The following LSAMP variants were observed in gnomAD, a reference collection of about 807,000 sequenced individuals.
The protein encoded by LSAMP is limbic system associated membrane protein, also known as limbic system-associated membrane protein.
In LSAMP, 7 loss-of-function variants were observed where a neutral mutation model predicts 38.6. That is an observed-to-expected ratio of 0.18 (90% CI 0.10 to 0.34). LSAMP has a LOEUF of 0.34. LSAMP is among the 10% of genes least tolerant of loss of function. The pLI is 1.00. For synonymous variants in LSAMP, 154 were observed against 166.8 expected, an observed-to-expected ratio of 0.92 and a Z score of 0.59; for missense variants, 313 against 420.0, an observed-to-expected ratio of 0.75 and a Z score of 2.23.
chr3:116,273,002 CT>C (rs1385908631), intron 1 of LSAMP, among the ~76,000 whole-genome samples: 1 of 152,048 alleles, frequency 6.6e-6, no homozygotes, highest in African/African-American at 2.4e-5. Flanking sequence ...CTGAGTCCTT[CT>C]GGTGTTATTA....
At chr3:116,167,467 G>A (rs978988839) in intron 1 of LSAMP, among the ~76,000 whole-genome samples, 3 of 152,174 alleles carry the variant, frequency 2.0e-5, no homozygotes, top group African/African-American at 7.2e-5. Flanking sequence ...GAATTGAAAT[G>A]AGAAAGGATA....
At chr3:116,039,106 A>G (rs1458226938) in intron 2 of LSAMP, among the ~76,000 whole-genome samples, 1 of 152,222 alleles carries the variant, frequency 6.6e-6, no homozygotes, top group Non-Finnish European at 1.5e-5. Context: ...AGAAGTCTGT[A>G]ACTGGAAGCA....
chr3:116,140,873 G>A (rs1017942760), intron 1 of LSAMP, among the ~76,000 whole-genome samples: 2 of 151,928 alleles, frequency 1.3e-5, no homozygotes, highest in South Asian at 2.1e-4. Flanking sequence ...GGAAATTCAG[G>A]TTTCTGGAAA....
At chr3:116,301,633 T>C (rs1158219499) in intron 1 of LSAMP, among the ~76,000 whole-genome samples, 1 of 152,118 alleles carries the variant, frequency 6.6e-6, no homozygotes, top group Non-Finnish European at 1.5e-5. Context: ...TTTCATTGGA[T>C]TGAGTCACTG....
rs146982694 is a variant in LSAMP at position 116,112,088 on chromosome 3, G to A, written c.156-25532C>T. ...TTGATGAGGCCTGCTTTCTTTCAAG[G>A]GTAAAGCTTCTTAGCTGAATAACAA... On this transcript the variant is annotated intron_variant, in intron 1 of 6. Transcript: ENST00000490035. Among the ~76,000 whole-genome samples, 1,519 of 152,244 alleles carry A rather than the reference G, an allele frequency of 1.0e-2. 21 individuals are homozygous for A. Among genetic ancestry groups the A allele is most frequent in the African/African-American group, 0.033 (1,368 of 41,528 alleles).
chr3:116,192,261 C>G (rs1471258133), intron 1 of LSAMP, among the ~76,000 whole-genome samples: 2 of 152,114 alleles, frequency 1.3e-5, no homozygotes, highest in Non-Finnish European at 2.9e-5. Context: ...TGAGAAGCAC[C>G]TCTTGCTGCA....
At chr3:116,254,983 G>GT (rs2046731629) in intron 1 of LSAMP, among the ~76,000 whole-genome samples, 1 of 152,168 alleles carries the variant, frequency 6.6e-6, no homozygotes, top group East Asian at 1.9e-4. Context: ...GAGATTGGAT[G>GT]TTAGGAAAGC....
At chr3:116,112,012 A>G (rs1708627169) in intron 1 of LSAMP, among the ~76,000 whole-genome samples, 1 of 152,232 alleles carries the variant, frequency 6.6e-6, no homozygotes. Context: ...CTTCTCCAGC[A>G]TGTAAAGATA....
At chr3:116,439,925 G>C (rs1054414950) in intron 1 of LSAMP, among the ~76,000 whole-genome samples, 1 of 152,184 alleles carries the variant, frequency 6.6e-6, no homozygotes, top group Non-Finnish European at 1.5e-5. Flanking sequence ...GTTTCACCAT[G>C]TTGGCCAGGA....
intron 1 of LSAMP, among the ~76,000 whole-genome samples, chr3:116,425,680 A>G (rs1267031569): frequency 6.6e-6 from 1 of 152,168 alleles, no homozygotes; most frequent in Non-Finnish European, 1.5e-5. Context: ...ATACAGAACT[A>G]AAATGCAGAA....
At chr3:115,908,777 G>C (rs1383436474) in intron 3 of LSAMP, among the ~76,000 whole-genome samples, 1 of 152,120 alleles carries the variant, frequency 6.6e-6, no homozygotes, top group Non-Finnish European at 1.5e-5. Context: ...ATAAAGTATA[G>C]GTGTCAGAGA....
intron 1 of LSAMP, among the ~76,000 whole-genome samples, chr3:116,430,028 G>A (rs1355481199): frequency 1.3e-5 from 2 of 152,106 alleles, no homozygotes; most frequent in African/African-American, 4.8e-5. Flanking sequence ...AGTAATAGAG[G>A]GAATTAGAAG....
At chr3:116,184,269 T>C (rs1212661696) in intron 1 of LSAMP, among the ~76,000 whole-genome samples, 1 of 151,918 alleles carries the variant, frequency 6.6e-6, no homozygotes, top group East Asian at 1.9e-4. Flanking sequence ...TTACTACCAT[T>C]ATTTCCAGTT....
chr3:116,381,829 T>C (rs993134075), intron 1 of LSAMP, among the ~76,000 whole-genome samples: 1 of 152,102 alleles, frequency 6.6e-6, no homozygotes, highest in Non-Finnish European at 1.5e-5. Context: ...CATCGGCATG[T>C]GAACATCAGT....
chr3:116,033,558 C>T (rs1940977885), intron 2 of LSAMP, among the ~76,000 whole-genome samples: 1 of 152,116 alleles, frequency 6.6e-6, no homozygotes, highest in South Asian at 2.1e-4. Context: ...CGCACAACAC[C>T]TGTGTTTAGG....
chr3:115,813,564 T>C (rs1221080405), intron 6 of LSAMP, among the ~76,000 whole-genome samples: 1 of 152,110 alleles, frequency 6.6e-6, no homozygotes, highest in Non-Finnish European at 1.5e-5. Context: ...TATCAATTAT[T>C]ATTTATTAAG....
At chr3:116,388,366 T>TTCTTGCCA (rs2048651293) in intron 1 of LSAMP, among the ~76,000 whole-genome samples, 1 of 152,190 alleles carries the variant, frequency 6.6e-6, no homozygotes, top group Non-Finnish European at 1.5e-5. Flanking sequence ...TTCTCAATTG[T>TTCTTGCCA]TCTTGCCATT....
At chr3:116,135,669 C>A (rs1302197722) in intron 1 of LSAMP, among the ~76,000 whole-genome samples, 3 of 152,130 alleles carry the variant, frequency 2.0e-5, no homozygotes, top group African/African-American at 7.2e-5. Context: ...GCTGGCTGAC[C>A]ACCAACTCCC....
intron 1 of LSAMP, among the ~76,000 whole-genome samples, chr3:116,229,964 A>C (rs927660923): frequency 1.3e-5 from 2 of 152,180 alleles, no homozygotes; most frequent in African/African-American, 4.8e-5. Flanking sequence ...GCATTTACAA[A>C]TATTTGGGAA....
Sources: allele counts gnomAD v4.1 joint callset (sites outside exome capture counted in the v4.1 genomes callset), GRCh38; gene constraint gnomAD v4.1.1; transcripts MANE v1.5; gene names NCBI Gene and HGNC (gene_info 2026-07-23, HGNC 2026-07-21).